MEPE: variants seen among roughly 807,000 people sequenced by gnomAD.
MEPE encodes matrix extracellular phosphoglycoprotein, also known as matrix, extracellular phosphoglycoprotein with ASARM motif (bone).
In MEPE, 7 loss-of-function variants were observed where a neutral mutation model predicts 7.3. The observed-to-expected ratio is 0.95, with a 90% CI of 0.54 to 1.79. The LOEUF is 1.79. Ranked by LOEUF, MEPE falls within the 40% of genes most tolerant of loss-of-function variation. MEPE has a pLI of 0.00. For synonymous variants in MEPE, 214 were observed against 213.1 expected, an observed-to-expected ratio of 1.00 and a Z score of -0.04; for missense variants, 623 against 628.2, an observed-to-expected ratio of 0.99 and a Z score of 0.09.
In MEPE at chr4:87,845,106, A is replaced by C. The variant is rs754536305; in HGVS notation, c.238A>C (p.Asn80His). 12 of 1,613,736 alleles carry C rather than the reference A, an allele frequency of 7.4e-6. No homozygotes were observed. ...KDLSLSEASE[N>H]KGSSKSQNYF... Reference sequence around the variant, plus strand: ...TTTGTCCCTTTCTGAAGCCAGTGAGAATAAGGGAAGTAGTAAATCTCAAAA... The same window carrying C: ...TTTGTCCCTTTCTGAAGCCAGTGAGCATAAGGGAAGTAGTAAATCTCAAAA... The change falls in exon 4 of 4, where the codon AAT becomes CAT. Residue 80 changes from asparagine to histidine, a missense_variant. Asn to His is a moderately conservative substitution (Grantham distance 68). Transcript: ENST00000361056.
At position 87,845,919 on chromosome 4, in the gene MEPE, C is replaced by T; in HGVS notation, c.1051C>T (p.Pro351Ser). ...GGGTAGTACCAATTTTAAGGAGCTC[C>T]CTGGAAGAGAAGGAAACAGAGTGGA... The part of the protein sequence containing the change: ...IMGSTNFKEL[P>S]GREGNRVDAG... The change falls in exon 4 of 4, where the codon CCT (proline) becomes TCT (serine). Residue 351 changes from proline (P) to serine (S), a missense_variant. Physicochemically the swap from Pro to Ser is moderately conservative, Grantham distance 74 (BLOSUM62 -1). Transcript: ENST00000361056. The T allele has an allele frequency of 6.2e-7, 1 of 1,613,886 alleles. No homozygotes were observed.
At chr4:87,836,680 T>C (rs1419748772) in intron 2 of MEPE, among the ~76,000 whole-genome samples, 1 of 152,222 alleles carries the variant, frequency 6.6e-6, no homozygotes, top group Non-Finnish European at 1.5e-5. Context: ...ATATAAAGTT[T>C]AGGAACATTT....
At chr4:87,839,610 A>G (rs967651068) in intron 3 of MEPE, 1 of 1,001,852 alleles carries the variant, frequency 1.0e-6, no homozygotes, top group East Asian at 2.6e-5. Context: ...AAAGTTTCTT[A>G]TATTATTACA....
chr4:87,840,687 T>C (rs1194849346), intron 3 of MEPE, among the ~76,000 whole-genome samples: 2 of 152,112 alleles, frequency 1.3e-5, no homozygotes, highest in African/African-American at 2.4e-5. Flanking sequence ...GGAGGTGCTA[T>C]GTGAGTAGTA....
chr4:87,830,517 G>T (rs1722571479), upstream of MEPE, among the ~76,000 whole-genome samples: 2 of 152,122 alleles, frequency 1.3e-5, no homozygotes, highest in African/African-American at 4.8e-5. Flanking sequence ...TTATAAGTGG[G>T]AGCTAAATGA....
At chr4:87,832,028 G>A (rs1350133363), upstream of MEPE, among the ~76,000 whole-genome samples, 2 of 151,902 alleles carry the variant, frequency 1.3e-5, no homozygotes, top group Non-Finnish European at 2.9e-5. Flanking sequence ...ATTGCCTGAC[G>A]AGGGCTGTCT....
intron 2 of MEPE, among the ~76,000 whole-genome samples, chr4:87,835,646 C>G (rs1365580987): frequency 2.0e-5 from 3 of 152,098 alleles, no homozygotes; most frequent in Non-Finnish European, 4.4e-5. Flanking sequence ...AATGTGTTCC[C>G]TTCTCCGCAC....
At chr4:87,842,930 C>T (rs1271530124) in intron 3 of MEPE, among the ~76,000 whole-genome samples, 10 of 152,100 alleles carry the variant, frequency 6.6e-5, no homozygotes, top group Admixed American at 1.3e-4. Context: ...GCCTGTGATA[C>T]CCAATTCTCT....
chr4:87,839,229 G>A (rs1722916357), intron 3 of MEPE, among the ~76,000 whole-genome samples: 1 of 152,152 alleles, frequency 6.6e-6, no homozygotes, highest in Non-Finnish European at 1.5e-5. Flanking sequence ...ACAATCTTCT[G>A]TACTTCATCT....
Position 87,844,990 on chromosome 4 carries a change from A to T in MEPE, c.122A>T (p.Asn41Ile), listed in dbSNP as rs138665285. 4.4e-4 allele frequency: 685 copies of T among 1,544,798 alleles called. 6 individuals carry two copies. In the South Asian group the frequency reaches 5.3e-3, roughly 12 times the overall value. Residue 41 changes from asparagine (N) to isoleucine (I), a missense_variant, in exon 4 of 4, where the codon AAC becomes ATC. Physicochemically the swap from Asn to Ile is moderately radical, Grantham distance 149 (BLOSUM62 -3). Coordinates refer to ENST00000361056, the MANE Select transcript of MEPE (RefSeq NM_020203.6). ...CVEEQRQEEK[N>I]KDNIGFHHLG... The stretch of plus-strand genomic sequence containing the variant: ...ATTGTATTTTAGCAGGAAGAAAAAA[A>T]CAAAGACAATATTGGTTTTCACCAT...
rs975146873 is a variant in MEPE, at chr4:87,839,683, A to G, written c.108+998A>G. The stretch of plus-strand genomic sequence containing the variant: ...CCTCAATATAATGTTGTGTTTTTGT[A>G]GATAACATACAAGGGTCACTATGAG... On this transcript the variant is annotated intron_variant, in intron 3 of 3. Coordinates refer to ENST00000361056, the MANE Select transcript of MEPE (RefSeq NM_020203.6). 1.4e-5 allele frequency: 22 copies of G among 1,546,622 alleles called. No homozygotes were observed. In the African/African-American group the frequency reaches 2.6e-4, roughly 18 times the overall value.
At chr4:87,830,945 G>A (rs1470724110), upstream of MEPE, among the ~76,000 whole-genome samples, 1 of 151,990 alleles carries the variant, frequency 6.6e-6, no homozygotes, top group Admixed American at 6.6e-5. Context: ...GGAGGGTTGA[G>A]ATAAATTGAC....
intron 3 of MEPE, among the ~76,000 whole-genome samples, chr4:87,840,495 CTAACTA>C (rs1450175684): frequency 6.6e-6 from 1 of 152,120 alleles, no homozygotes; most frequent in Non-Finnish European, 1.5e-5. Flanking sequence ...AAGACTACAC[CTAACTA>C]TAAATAAGTT....
upstream of MEPE, among the ~76,000 whole-genome samples, chr4:87,832,531 G>A (rs1366222189): frequency 6.6e-6 from 1 of 152,052 alleles, no homozygotes; most frequent in East Asian, 1.9e-4. Flanking sequence ...TTTCTGTCTT[G>A]TTTTGTTCAC....
In MEPE at chr4:87,846,790, T is replaced by A. The variant is rs3749575; in HGVS notation, c.*344T>A. ...GAAAATAAACAATATCTCTCGATGATAATTTGTATTAAGTAATCTATAAGA... is the reference window on the plus strand; with the variant it reads ...GAAAATAAACAATATCTCTCGATGAAAATTTGTATTAAGTAATCTATAAGA... On this transcript the variant is annotated 3_prime_UTR_variant, in exon 4 of 4. Transcript: ENST00000361056. 11,932 of 191,650 alleles carry A rather than the reference T, an allele frequency of 0.062. 458 individuals carry two copies. The highest frequency in any genetic ancestry group is 0.13 in the South Asian group (856 of 6,820). The allele number at this position is 191,650 out of a possible 1,614,324, so 11.9% of individuals were successfully genotyped here. A position where few individuals can be genotyped will look rare whatever the true frequency, so the allele number is the denominator to read the frequency against.
intron 1 of MEPE, among the ~76,000 whole-genome samples, chr4:87,826,454 T>C (rs924431998): frequency 6.6e-6 from 1 of 151,892 alleles, no homozygotes; most frequent in Admixed American, 6.6e-5. Flanking sequence ...TTGGCCAGGA[T>C]GGTCTCGATC....
At chr4:87,831,547 C>T (rs1722599112), upstream of MEPE, among the ~76,000 whole-genome samples, 1 of 152,130 alleles carries the variant, frequency 6.6e-6, no homozygotes, top group African/African-American at 2.4e-5. Context: ...GTTCAAGCCT[C>T]CATCATCTCT....
chr4:87,829,712 G>T (rs1722551805), upstream of MEPE, among the ~76,000 whole-genome samples: 1 of 25,296 alleles, frequency 4.0e-5, no homozygotes, highest in Non-Finnish European at 7.3e-5. Flanking sequence ...ATCCAAAGTT[G>T]AAAATGAGCA....
chr4:87,830,673 C>A (rs952885278), upstream of MEPE, among the ~76,000 whole-genome samples: 3 of 151,870 alleles, frequency 2.0e-5, no homozygotes, highest in African/African-American at 7.3e-5. Context: ...TACAACAAAC[C>A]CCAGGGACAT....
Sources: gnomAD v4.1 joint callset for allele counts (sites outside exome capture counted in the v4.1 genomes callset) on GRCh38, gnomAD v4.1.1 for gene constraint, MANE v1.5 for transcripts, NCBI Gene and HGNC (gene_info 2026-07-23, HGNC 2026-07-21) for gene names.